The following SLC6A6 variants were observed in gnomAD, a reference collection of about 807,000 sequenced individuals.
SLC6A6 encodes sodium- and chloride-dependent taurine transporter.
A neutral mutation model predicts 68.8 loss-of-function variants in SLC6A6; 16 were observed. That is an observed-to-expected ratio of 0.23 (90% CI 0.16 to 0.35). The LOEUF is 0.35. Among genes scored for constraint, SLC6A6 ranks in the 10% least tolerant of loss-of-function variants. The pLI is 1.00. For missense variants in SLC6A6, 474 were observed against 802.8 expected (o/e 0.59, Z 4.95); for synonymous variants, 312 against 315.4 (o/e 0.99, Z 0.12).
Position 14,477,231 on chromosome 3 carries a change from A to G in SLC6A6, c.1236A>G (p.Thr412=). The G allele has an allele frequency of 6.2e-7, 1 of 1,613,458 alleles. No homozygotes were observed. The highest frequency in any genetic ancestry group is 8.5e-7 in the Non-Finnish European group (1 of 1,179,558). ...TTGTTGAAGTTGAAGGACAGATCAC[A>G]TCCTTGGTTGATCTTTACCCATCCT... is the stretch of plus-strand genomic sequence containing the variant. ...SQFVEVEGQI[T]SLVDLYPSFL... Residue 412 remains threonine, a synonymous_variant, in exon 11 of 15, where the codon ACA becomes ACG. Coordinates refer to ENST00000622186, the MANE Select transcript of SLC6A6 (RefSeq NM_003043.6). The surrounding 1 kb of genome is among the most constrained non-coding windows in gnomAD (Gnocchi z 4.2).
intron 2 of SLC6A6, among the ~76,000 whole-genome samples, chr3:14,433,809 A>AGG (rs1559292933): frequency 1.3e-5 from 2 of 150,030 alleles, no homozygotes; most frequent in Admixed American, 1.3e-4. Flanking sequence ...TCTCAAAAAA[A>AGG]AAAAAAAAAA....
In SLC6A6 at chr3:14,463,208, CA is replaced by C. The variant is rs1419655358; in HGVS notation, c.733-3307del. Among the ~76,000 whole-genome samples the C allele has an allele frequency of 1.3e-5, 2 of 152,202 alleles. 1 individual carries two copies. On this transcript the variant is annotated intron_variant, in intron 6 of 14. Coordinates refer to ENST00000622186, the MANE Select transcript of SLC6A6 (RefSeq NM_003043.6). ...TGGCCTGGATCCATCCCGCATCCACCACCAGTAACTGTGATTGCAGGCAGGT... is the reference window on the plus strand; with the variant it reads ...TGGCCTGGATCCATCCCGCATCCACCCCAGTAACTGTGATTGCAGGCAGGT...
At chr3:14,425,057 G>A (rs915169483) in intron 2 of SLC6A6, among the ~76,000 whole-genome samples, 7 of 152,208 alleles carry the variant, frequency 4.6e-5, no homozygotes, top group Admixed American at 4.6e-4. Context: ...TCAAGTGTTG[G>A]TTGAACGAAG....
chr3:14,429,414 C>A (rs1226871929), intron 2 of SLC6A6, among the ~76,000 whole-genome samples: 1 of 152,202 alleles, frequency 6.6e-6, no homozygotes, highest in African/African-American at 2.4e-5. Context: ...TTGGGATGAT[C>A]CTGGACTTAG....
chr3:14,448,608 C>G (rs1334807385), intron 5 of SLC6A6, among the ~76,000 whole-genome samples: 1 of 152,202 alleles, frequency 6.6e-6, no homozygotes, highest in East Asian at 1.9e-4. Flanking sequence ...CATTTTTGTT[C>G]ATGTCCCTTT....
chr3:14,461,765 A>G (rs981513926), intron 6 of SLC6A6, among the ~76,000 whole-genome samples: 2 of 152,184 alleles, frequency 1.3e-5, no homozygotes, highest in African/African-American at 4.8e-5. Flanking sequence ...GAGTTAGTGA[A>G]GCCCCTCACC....
chr3:14,404,334 T>A (rs537168065), intron 1 of SLC6A6, among the ~76,000 whole-genome samples: 1 of 148,842 alleles, frequency 6.7e-6, no homozygotes, highest in Non-Finnish European at 1.5e-5. Flanking sequence ...GGGGTGGGCA[T>A]GAGGAGGTGG....
At chr3:14,461,880 C>CCTG (rs997254923) in intron 6 of SLC6A6, among the ~76,000 whole-genome samples, 4 of 152,080 alleles carry the variant, frequency 2.6e-5, no homozygotes, top group Non-Finnish European at 5.9e-5. Flanking sequence ...CCTGGCTCCC[C>CCTG]CTGCTGCTGC....
chr3:14,468,322 G>A lies in SLC6A6; in HGVS notation c.1096+110G>A. On this transcript the variant is annotated intron_variant, in intron 9 of 14. Coordinates refer to ENST00000622186, the MANE Select transcript of SLC6A6 (RefSeq NM_003043.6). The surrounding 1 kb of genome is among the most constrained non-coding windows in gnomAD (Gnocchi z 4.5). The stretch of plus-strand genomic sequence containing the variant: ...GGGGCTTTGAGGGGGGACGAGCCTG[G>A]TTTCTAAAATGGACCCCCCCCCCGC... 1 of 909,680 alleles carries A rather than the reference G, an allele frequency of 1.1e-6. No individual in the cohort carries two copies. Among genetic ancestry groups the A allele is most frequent in the Non-Finnish European group, 1.5e-6 (1 of 648,986 alleles). 56.4% of individuals were successfully genotyped at this position (909,680 alleles called of 1,614,324 possible). A position where few individuals can be genotyped will look rare whatever the true frequency, so the allele number is the denominator to read the frequency against.
intron 2 of SLC6A6, among the ~76,000 whole-genome samples, chr3:14,422,074 C>T (rs1020029861): frequency 6.6e-6 from 1 of 152,150 alleles, no homozygotes; most frequent in Non-Finnish European, 1.5e-5. Flanking sequence ...GAGGGGAGTT[C>T]CTGGAAGGCA....
intron 5 of SLC6A6, among the ~76,000 whole-genome samples, chr3:14,449,509 A>C (rs2124954545): frequency 6.6e-6 from 1 of 152,208 alleles, no homozygotes; most frequent in South Asian, 2.1e-4. Flanking sequence ...GGACACTGGC[A>C]CTCAGCCAGT....
chr3:14,456,366 T>C (rs1255834166), intron 5 of SLC6A6, among the ~76,000 whole-genome samples: 2 of 152,196 alleles, frequency 1.3e-5, no homozygotes, highest in Non-Finnish European at 2.9e-5. Context: ...TACAGTGACA[T>C]GTGAACTTGC....
chr3:14,427,749 A>G (rs1371100892), intron 2 of SLC6A6, among the ~76,000 whole-genome samples: 1 of 152,166 alleles, frequency 6.6e-6, no homozygotes, highest in Non-Finnish European at 1.5e-5. Flanking sequence ...GGTGGAGAGA[A>G]GCTGCCTGGC....
Position 14,445,153 on chromosome 3 carries a change from T to C in SLC6A6, c.230-564T>C, listed in dbSNP as rs140644032. On this transcript the variant is annotated intron_variant, in intron 3 of 14. Coordinates refer to ENST00000622186, the MANE Select transcript of SLC6A6 (RefSeq NM_003043.6). The stretch of plus-strand genomic sequence containing the variant: ...AAGGCTCTGAGGCAGCCGGGCGCGG[T>C]GGCTCACGCCTGTAATCCCAGCACT... Among the ~76,000 whole-genome samples, 303 of 152,134 alleles carry C rather than the reference T, an allele frequency of 2.0e-3. 2 individuals carry two copies. Among genetic ancestry groups the C allele is most frequent in the Non-Finnish European group, 3.4e-3 (230 of 67,982 alleles).
intron 5 of SLC6A6, 80 bp from the exon 6 acceptor site, chr3:14,457,870 C>A: frequency 7.1e-7 from 1 of 1,418,182 alleles, no homozygotes. Context: ...TGACCCCCAG[C>A]CTGTTAATGT....
chr3:14,483,502 C>T (rs1261458582), intron 14 of SLC6A6, among the ~76,000 whole-genome samples: 1 of 152,170 alleles, frequency 6.6e-6, no homozygotes, highest in African/African-American at 2.4e-5. Flanking sequence ...TCTCCTCCGC[C>T]CTCCCAGGCA....
At chr3:14,408,501 A>G (rs1326715806) in intron 1 of SLC6A6, among the ~76,000 whole-genome samples, 4 of 151,908 alleles carry the variant, frequency 2.6e-5, no homozygotes, top group Non-Finnish European at 5.9e-5. Context: ...TGCCTGGCTA[A>G]TTTTTGTATT....
intron 2 of SLC6A6, among the ~76,000 whole-genome samples, chr3:14,426,669 C>G (rs1699606492): frequency 6.6e-6 from 1 of 152,220 alleles, no homozygotes; most frequent in East Asian, 1.9e-4. Context: ...GCCAGACAGA[C>G]AATGTCAGCT....
intron 1 of SLC6A6, among the ~76,000 whole-genome samples, chr3:14,413,771 G>A (rs1490417042): frequency 6.6e-6 from 1 of 152,134 alleles, no homozygotes; most frequent in Admixed American, 6.5e-5. Flanking sequence ...CCAGGGCTGC[G>A]GGAACCTCAG....
Sources: allele counts gnomAD v4.1 joint callset (sites outside exome capture counted in the v4.1 genomes callset), GRCh38; gene constraint gnomAD v4.1.1; non-coding constraint Gnocchi (gnomAD v3.1); transcripts MANE v1.5; gene names NCBI Gene and HGNC (gene_info 2026-07-23, HGNC 2026-07-21).